RANBP17: variants seen among roughly 807,000 people sequenced by gnomAD.
The protein encoded by RANBP17 is ran-binding protein 17.
Under a neutral mutation model 141.2 loss-of-function variants are expected in RANBP17, and 158 were observed. The ratio of observed to expected loss-of-function variants is 1.12; its 90% CI spans 0.98 to 1.28. The LOEUF (loss-of-function observed/expected upper bound fraction) is 1.28, where lower values mean the gene tolerates loss of function less well. Ranked by LOEUF, RANBP17 falls within the 50% of genes most tolerant of loss-of-function variation. RANBP17 has a pLI of 0.00. For missense variants in RANBP17, 1,438 were observed against 1,290.7 expected (o/e 1.11, Z -1.75); for synonymous variants, 430 against 450.0 (o/e 0.96, Z 0.56).
intron 14 of RANBP17, among the ~76,000 whole-genome samples, chr5:171,144,765 A>G (rs1394821788): frequency 6.6e-6 from 1 of 152,206 alleles, no homozygotes; most frequent in East Asian, 1.9e-4. Context: ...TGACATTATG[A>G]CTTACTGTGA....
intron 25 of RANBP17, among the ~76,000 whole-genome samples, chr5:171,274,445 G>A (rs1767370070): frequency 6.6e-6 from 1 of 151,914 alleles, no homozygotes; most frequent in Non-Finnish European, 1.5e-5. Context: ...CAGATCCTTT[G>A]TTATTAACCA....
At chr5:171,036,560 T>C (rs763260297) in intron 14 of RANBP17, among the ~76,000 whole-genome samples, 2 of 152,168 alleles carry the variant, frequency 1.3e-5, no homozygotes, top group Non-Finnish European at 2.9e-5. Flanking sequence ...ACCCTGGAAG[T>C]GAGCATACTA....
At chr5:171,086,099 T>G (rs1359332053) in intron 14 of RANBP17, among the ~76,000 whole-genome samples, 2 of 136,344 alleles carry the variant, frequency 1.5e-5, no homozygotes, top group Admixed American at 7.5e-5. Context: ...TGGCTGTGGG[T>G]TTGTCATAGA....
At chr5:171,054,776 G>T (rs555358754) in intron 14 of RANBP17, among the ~76,000 whole-genome samples, 1 of 152,136 alleles carries the variant, frequency 6.6e-6, no homozygotes, top group Non-Finnish European at 1.5e-5. Context: ...CACCTGTGAC[G>T]TGTTTCCCCC....
chr5:171,131,184 A>G (rs1169313047), intron 14 of RANBP17, among the ~76,000 whole-genome samples: 1 of 152,224 alleles, frequency 6.6e-6, no homozygotes, highest in African/African-American at 2.4e-5. Context: ...ATTAGAGGAG[A>G]TTACCTGTAG....
chr5:171,046,890 A>G (rs550692134), intron 14 of RANBP17, among the ~76,000 whole-genome samples: 1 of 152,186 alleles, frequency 6.6e-6, no homozygotes, highest in East Asian at 1.9e-4. Context: ...TATTCTGAAT[A>G]TATTATTTCT....
At chr5:170,968,843 GA>G in intron 14 of RANBP17, 1 of 376,586 alleles carries the variant, frequency 2.7e-6, no homozygotes, top group South Asian at 2.1e-5. Flanking sequence ...TTAATGTTAG[GA>G]ATACTCATAG....
chr5:170,899,756 T>C lies in RANBP17; in HGVS notation c.489+3641T>C, dbSNP rs367574723. 2.6e-4 allele frequency among the ~76,000 whole-genome samples: 39 copies of C among 152,368 alleles called. No homozygotes were observed. In the South Asian group the frequency reaches 7.9e-3, roughly 31 times the overall value. On this transcript the variant is annotated intron_variant, in intron 5 of 27. Coordinates refer to ENST00000523189, the MANE Select transcript of RANBP17 (RefSeq NM_022897.5). ...GTTGAATTTTATTGAAGGCCTTTTC[T>C]GCCTCTATTGAGATAATCATGTGGT...
chr5:170,878,001 A>G, intron 1 of RANBP17, 96 bp from the exon 2 acceptor site: 1 of 827,428 alleles, frequency 1.2e-6, no homozygotes, highest in East Asian at 2.8e-5. Flanking sequence ...GAATTAATGA[A>G]TACACATGTG....
chr5:171,101,573 T>C (rs1787165730), intron 14 of RANBP17, among the ~76,000 whole-genome samples: 1 of 152,246 alleles, frequency 6.6e-6, no homozygotes, highest in Non-Finnish European at 1.5e-5. Flanking sequence ...TGACTTTTAA[T>C]TTGGGCATTT....
intron 14 of RANBP17, among the ~76,000 whole-genome samples, chr5:171,141,754 TTTTGCTACTGCC>T (rs1461000522): frequency 2.0e-5 from 3 of 152,168 alleles, no homozygotes; most frequent in Admixed American, 6.5e-5. Context: ...CTATTCTGAC[TTTTGCTACTGCC>T]AACATTCAAC....
At chr5:171,036,746 A>G (rs1481410548) in intron 14 of RANBP17, among the ~76,000 whole-genome samples, 1 of 152,196 alleles carries the variant, frequency 6.6e-6, no homozygotes, top group Non-Finnish European at 1.5e-5. Flanking sequence ...AGCTGCATCC[A>G]TGTTACTGCA....
chr5:171,055,837 A>G (rs1235835387), intron 14 of RANBP17, among the ~76,000 whole-genome samples: 1 of 143,578 alleles, frequency 7.0e-6, no homozygotes, highest in Non-Finnish European at 1.5e-5. Context: ...TTCGAGTCAA[A>G]GCCTTGGCAA....
rs144434592 is a variant in RANBP17 at position 170,880,993 on chromosome 5, A to G, written c.166-813A>G. On this transcript the variant is annotated intron_variant, in intron 2 of 27. Coordinates refer to ENST00000523189, the MANE Select transcript of RANBP17 (RefSeq NM_022897.5). ...AGCTATTCAATTCTGCCATCGTGGCATGAAAGCAGCCATAGGCAGTGTGTA... is the reference window on the plus strand; with the variant it reads ...AGCTATTCAATTCTGCCATCGTGGCGTGAAAGCAGCCATAGGCAGTGTGTA... 1.7e-3 allele frequency among the ~76,000 whole-genome samples: 266 copies of G among 152,358 alleles called. 1 individual carries two copies. Among genetic ancestry groups the G allele is most frequent in the South Asian group, 0.013 (61 of 4,826 alleles).
At chr5:171,208,019 T>C (rs1762678044) in intron 20 of RANBP17, 1 of 152,238 alleles carries the variant, frequency 6.6e-6, no homozygotes, top group Admixed American at 6.5e-5. Flanking sequence ...TCCTGAAATA[T>C]TGATATGTCA....
chr5:171,272,518 CAAA>C (rs199945644), intron 25 of RANBP17, among the ~76,000 whole-genome samples: 2 of 148,854 alleles, frequency 1.3e-5, no homozygotes, highest in African/African-American at 5.0e-5. Flanking sequence ...AACTGAGGCA[CAAA>C]AAAAAATAGG....
chr5:171,136,668 A>G (rs1047028581), intron 14 of RANBP17, among the ~76,000 whole-genome samples: 3 of 152,186 alleles, frequency 2.0e-5, no homozygotes, highest in African/African-American at 7.2e-5. Flanking sequence ...TTATAGTCTT[A>G]TGAACTGGAG....
At chr5:171,130,703 C>T (rs1190882117) in intron 14 of RANBP17, among the ~76,000 whole-genome samples, 1 of 151,978 alleles carries the variant, frequency 6.6e-6, no homozygotes, top group Non-Finnish European at 1.5e-5. Flanking sequence ...CAAAAAAATA[C>T]TTTTTTATAT....
chr5:171,142,013 A>C (rs186277733), intron 14 of RANBP17, among the ~76,000 whole-genome samples: 1 of 152,326 alleles, frequency 6.6e-6, no homozygotes, highest in East Asian at 1.9e-4. Flanking sequence ...TAAGAAATTC[A>C]AACTTATTGG....
Sources: allele counts gnomAD v4.1 joint callset (sites outside exome capture counted in the v4.1 genomes callset), GRCh38; gene constraint gnomAD v4.1.1; transcripts MANE v1.5; gene names NCBI Gene and HGNC (gene_info 2026-07-23, HGNC 2026-07-21).